Variants in THSD4 observed in about 807,000 individuals in gnomAD.
The protein encoded by THSD4 is thrombospondin type-1 domain-containing protein 4.
In THSD4, 69 loss-of-function variants were observed where a neutral mutation model predicts 119.0. The ratio of observed to expected loss-of-function variants is 0.58; its 90% confidence interval spans 0.48 to 0.71. The LOEUF is 0.71. Among genes scored for constraint, THSD4 ranks in the 30% least tolerant of loss-of-function variants. THSD4 has a pLI of 0.00. For synonymous variants in THSD4, 524 were observed against 540.4 expected, an observed-to-expected ratio of 0.97 and a Z score of 0.42; for missense variants, 1,393 against 1,391.1, an observed-to-expected ratio of 1.00 and a Z score of -0.02.
rs1595888511 is a variant in THSD4, at chr15:71,564,256, C to T, written c.1153-96274C>T. Among the ~76,000 whole-genome samples, 6 of 152,262 alleles carry T rather than the reference C, an allele frequency of 3.9e-5. 1 individual carries two copies. The South Asian group carries it at 8.3e-4, about 21-fold the overall frequency. On this transcript the variant is annotated intron_variant, in intron 7 of 17. Transcript: ENST00000261862. ...AAGGTGGGTCCCCACTCCTAGAAGC[C>T]CTTCAAGGGGCAGAGGTTCCCAGAG...
intron 6 of THSD4, among the ~76,000 whole-genome samples, chr15:71,309,193 G>T (rs1280235119): frequency 6.6e-6 from 1 of 152,078 alleles, no homozygotes; most frequent in African/African-American, 2.4e-5. Flanking sequence ...CAGGCAATCC[G>T]CCTGTCTCAG....
At chr15:71,541,977 G>A (rs1046359761) in intron 7 of THSD4, among the ~76,000 whole-genome samples, 1 of 152,232 alleles carries the variant, frequency 6.6e-6, no homozygotes, top group Non-Finnish European at 1.5e-5. Context: ...AAACAGTCTT[G>A]TAATTGTCAT....
chr15:71,746,801 G>A, intron 12 of THSD4, 37 bp from the exon 13 acceptor site: 2 of 1,605,938 alleles, frequency 1.2e-6, no homozygotes, highest in Non-Finnish European at 1.7e-6. Flanking sequence ...TTGACTGAAG[G>A]TTGTCTCTCA....
At chr15:71,446,116 A>G (rs1390179750) in intron 7 of THSD4, among the ~76,000 whole-genome samples, 1 of 152,212 alleles carries the variant, frequency 6.6e-6, no homozygotes, top group East Asian at 1.9e-4. Flanking sequence ...CCAGAAATAT[A>G]AATGTCAATA....
At chr15:71,100,032 AGT>A (rs2141338513) in intron 1 of THSD4, among the ~76,000 whole-genome samples, 1 of 152,270 alleles carries the variant, frequency 6.6e-6, no homozygotes, top group South Asian at 2.1e-4. Context: ...GGCAGTATGT[AGT>A]TGTTTCTTAG....
At chr15:71,341,578 C>T (rs760678886) in intron 6 of THSD4, 8 of 1,604,318 alleles carry the variant, frequency 5.0e-6, no homozygotes, top group South Asian at 2.2e-5. Context: ...TCAGATACTT[C>T]GTGGCTTTTC....
At chr15:71,124,259 C>T (rs548049425) in intron 1 of THSD4, among the ~76,000 whole-genome samples, 144 of 152,342 alleles carry the variant, frequency 9.5e-4, no homozygotes, top group South Asian at 2.5e-3. Flanking sequence ...GATAAATGAA[C>T]AGGCAGGACT....
intron 6 of THSD4, among the ~76,000 whole-genome samples, chr15:71,397,024 G>A (rs773512173): frequency 6.6e-6 from 1 of 152,164 alleles, no homozygotes; most frequent in Non-Finnish European, 1.5e-5. Context: ...TGCAAGCTGT[G>A]GCACTTCCCA....
chr15:71,377,330 A>G (rs1374150163), intron 6 of THSD4, among the ~76,000 whole-genome samples: 1 of 152,196 alleles, frequency 6.6e-6, no homozygotes. Context: ...ATGGAAATCC[A>G]GGACCACAGG....
intron 7 of THSD4, among the ~76,000 whole-genome samples, chr15:71,559,002 A>G (rs1456129108): frequency 6.6e-6 from 1 of 152,170 alleles, no homozygotes; most frequent in Non-Finnish European, 1.5e-5. Context: ...AAACACGCCA[A>G]GTGTGCTTGA....
Position 71,103,596 on chromosome 15 carries a change from G to GA in THSD4, c.-80+6599dup, listed in dbSNP as rs200126096. Among the ~76,000 whole-genome samples, 474 of 149,302 alleles carry GA rather than the reference G, an allele frequency of 3.2e-3. 4 individuals are homozygous for GA. Among genetic ancestry groups the GA allele is most frequent in the African/African-American group, 0.011 (462 of 40,736 alleles). On this transcript the variant is annotated intron_variant, in intron 1 of 17. Transcript: ENST00000355327. Reference sequence around the variant, plus strand: ...AGTCAAGTGGCAGGAGGAGAAAGGTGAAAAAAAAAGGAAGAAAGATTTGCC... The same window carrying GA: ...AGTCAAGTGGCAGGAGGAGAAAGGTGAAAAAAAAAAGGAAGAAAGATTTGCC...
chr15:71,353,013 A>G (rs1555405265), intron 6 of THSD4, among the ~76,000 whole-genome samples: 1 of 152,228 alleles, frequency 6.6e-6, no homozygotes, highest in Non-Finnish European at 1.5e-5. Flanking sequence ...AGAGGAGGCT[A>G]TAAAGGCTTT....
intron 7 of THSD4, among the ~76,000 whole-genome samples, chr15:71,633,047 T>C (rs982813244): frequency 4.6e-5 from 7 of 152,036 alleles, no homozygotes; most frequent in African/African-American, 1.7e-4. Flanking sequence ...GACATCAAGG[T>C]GAGGCAAGAA....
chr15:71,458,477 A>AG (rs1204539410), intron 7 of THSD4, among the ~76,000 whole-genome samples: 1 of 152,254 alleles, frequency 6.6e-6, no homozygotes, highest in Non-Finnish European at 1.5e-5. Flanking sequence ...GTACTGCAGT[A>AG]GGACTATGAT....
intron 14 of THSD4, 37 bp downstream of exon 14, chr15:71,748,631 G>A (rs781086897): frequency 5.2e-5 from 83 of 1,607,332 alleles, no homozygotes; most frequent in Non-Finnish European, 6.6e-5. Flanking sequence ...GGGGACCGAG[G>A]TCTGCCAGGT....
chr15:71,705,897 G>T (rs774216424), intron 8 of THSD4, among the ~76,000 whole-genome samples: 11 of 152,188 alleles, frequency 7.2e-5, no homozygotes, highest in Non-Finnish European at 1.3e-4. Flanking sequence ...AATCCAGAGT[G>T]GGGAGACATT....
intron 7 of THSD4, among the ~76,000 whole-genome samples, chr15:71,502,062 C>T (rs1439984127): frequency 6.6e-6 from 1 of 152,218 alleles, no homozygotes; most frequent in Non-Finnish European, 1.5e-5. Flanking sequence ...TAGAACTAAT[C>T]CACAATACTG....
At chr15:71,591,187 A>G (rs575620336) in intron 7 of THSD4, among the ~76,000 whole-genome samples, 7 of 152,232 alleles carry the variant, frequency 4.6e-5, no homozygotes, top group East Asian at 1.9e-4. Flanking sequence ...AGGCAAGGCA[A>G]TTGTTTATTA....
chr15:71,350,150 A>G (rs1273295431), intron 6 of THSD4, among the ~76,000 whole-genome samples: 1 of 151,980 alleles, frequency 6.6e-6, no homozygotes, highest in African/African-American at 2.4e-5. Context: ...CTAAAAAAAA[A>G]AAAAAAAAAA....
Sources: gnomAD v4.1 joint callset for allele counts (sites outside exome capture counted in the v4.1 genomes callset) on GRCh38, gnomAD v4.1.1 for gene constraint, MANE v1.5 for transcripts, NCBI Gene and HGNC (gene_info 2026-07-23, HGNC 2026-07-21) for gene names.